The following FYN variants were observed in gnomAD, a reference collection of about 807,000 sequenced individuals.
FYN encodes the protein tyrosine-protein kinase Fyn.
In FYN, 10 loss-of-function variants were observed where a neutral mutation model predicts 70.2. The observed-to-expected ratio is 0.14, with a 90% CI of 0.09 to 0.24. The LOEUF is 0.24. Ranked by LOEUF, FYN falls within the 10% of genes least tolerant of loss-of-function variation. FYN has a pLI of 1.00. For synonymous variants in FYN, 236 were observed against 248.6 expected (o/e 0.95, Z 0.48); for missense variants, 319 against 673.1 (o/e 0.47, Z 5.82).
intron 2 of FYN, among the ~76,000 whole-genome samples, chr6:111,785,807 A>C: frequency 6.9e-6 from 1 of 145,266 alleles, no homozygotes; most frequent in Non-Finnish European, 1.5e-5. Context: ...TCCTAATGCT[A>C]TCCCTCCTCC....
intron 3 of FYN, among the ~76,000 whole-genome samples, chr6:111,754,984 T>A (rs532246277): frequency 9.0e-5 from 13 of 145,044 alleles, no homozygotes; most frequent in Admixed American, 3.5e-4. Context: ...TTTTTTTTTT[T>A]AAAGAACGGA....
intron 13 of FYN, among the ~76,000 whole-genome samples, chr6:111,671,686 A>G (rs1412958472): frequency 6.6e-6 from 1 of 152,186 alleles, no homozygotes; most frequent in African/African-American, 2.4e-5. Flanking sequence ...CAACGTGGGA[A>G]GCTGAGAAGG....
At position 111,842,078 on chromosome 6, in the gene FYN, C is replaced by T. The variant is rs575738120; in HGVS notation, c.-82+4511G>A. 2.0e-4 allele frequency among the ~76,000 whole-genome samples: 30 copies of T among 152,216 alleles called. 1 individual carries two copies. The highest frequency in any genetic ancestry group is 6.7e-4 in the African/African-American group (28 of 41,544). ...TCAAAGCCACTTCCTTTTCCTGGTCCCCAGTCGCCAGAAAAGTGGGTTGTG... is the reference window on the plus strand; with the variant it reads ...TCAAAGCCACTTCCTTTTCCTGGTCTCCAGTCGCCAGAAAAGTGGGTTGTG... On this transcript the variant is annotated intron_variant, in intron 2 of 13. Transcript: ENST00000354650.
chr6:111,862,658 C>T (rs1296423905), intron 1 of FYN, among the ~76,000 whole-genome samples: 2 of 152,180 alleles, frequency 1.3e-5, no homozygotes, highest in Non-Finnish European at 2.9e-5. Flanking sequence ...GGATTCTAGT[C>T]TAAGCTAAAG....
chr6:111,739,180 T>C (rs1479916710), intron 3 of FYN, among the ~76,000 whole-genome samples: 1 of 152,210 alleles, frequency 6.6e-6, no homozygotes, highest in Non-Finnish European at 1.5e-5. Flanking sequence ...CTCTACAGAT[T>C]CCACTGGGCA....
At chr6:111,663,365 C>T (rs1797853230) in intron 13 of FYN, among the ~76,000 whole-genome samples, 1 of 152,220 alleles carries the variant, frequency 6.6e-6, no homozygotes, top group Non-Finnish European at 1.5e-5. Context: ...AGAAACTTGT[C>T]AGCACAGCCA....
intron 2 of FYN, among the ~76,000 whole-genome samples, chr6:111,833,475 G>A (rs1449545936): frequency 6.6e-6 from 1 of 152,168 alleles, no homozygotes; most frequent in Non-Finnish European, 1.5e-5. Context: ...TTACTACTCA[G>A]AGCCCTGGAG....
intron 3 of FYN, among the ~76,000 whole-genome samples, chr6:111,755,920 G>A (rs1426986191): frequency 3.3e-5 from 5 of 151,812 alleles, no homozygotes; most frequent in African/African-American, 1.2e-4. Flanking sequence ...AAAGAAAAAA[G>A]GACTGAGAAT....
At chr6:111,722,485 T>C (rs1583362415) in intron 3 of FYN, among the ~76,000 whole-genome samples, 1 of 152,342 alleles carries the variant, frequency 6.6e-6, no homozygotes, top group East Asian at 1.9e-4. Context: ...GGAAAGTTGC[T>C]CCACATTTCT....
At chr6:111,714,655 A>G (rs946433562) in intron 4 of FYN, among the ~76,000 whole-genome samples, 1 of 152,214 alleles carries the variant, frequency 6.6e-6, no homozygotes, top group Non-Finnish European at 1.5e-5. Context: ...TGTATCTGAA[A>G]GAAACCTAGA....
At chr6:111,796,426 A>T (rs1221103274) in intron 2 of FYN, among the ~76,000 whole-genome samples, 1 of 152,230 alleles carries the variant, frequency 6.6e-6, no homozygotes, top group Non-Finnish European at 1.5e-5. Flanking sequence ...AACCAGAAGC[A>T]GTGGGCTATA....
chr6:111,853,157 A>G (rs1773731923), intron 1 of FYN, among the ~76,000 whole-genome samples: 1 of 152,188 alleles, frequency 6.6e-6, no homozygotes, highest in African/African-American at 2.4e-5. Flanking sequence ...CCTAGAATTC[A>G]TACTTCCAAG....
chr6:111,863,517 T>C (rs1190838160), intron 1 of FYN, among the ~76,000 whole-genome samples: 1 of 152,202 alleles, frequency 6.6e-6, no homozygotes, highest in Non-Finnish European at 1.5e-5. Flanking sequence ...AGTAACTTTC[T>C]GGGGATTAAA....
At chr6:111,758,672 C>T (rs1455554964) in intron 3 of FYN, among the ~76,000 whole-genome samples, 1 of 152,206 alleles carries the variant, frequency 6.6e-6, no homozygotes, top group Non-Finnish European at 1.5e-5. Flanking sequence ...TGGCTCAGTG[C>T]CCCCAGGAGA....
At chr6:111,681,542 T>C (rs1798781227) in intron 12 of FYN, among the ~76,000 whole-genome samples, 1 of 152,182 alleles carries the variant, frequency 6.6e-6, no homozygotes, top group East Asian at 1.9e-4. Flanking sequence ...CTTAGCATGC[T>C]CACACTTGTT....
intron 8 of FYN, among the ~76,000 whole-genome samples, chr6:111,701,113 GAAGA>G (rs1480693397): frequency 6.6e-6 from 1 of 152,042 alleles, no homozygotes; most frequent in Middle Eastern, 3.2e-3. Flanking sequence ...ATAAAAAAAA[GAAGA>G]AAGGAAAAAG....
chr6:111,686,090 C>T (rs1192052652), intron 12 of FYN, among the ~76,000 whole-genome samples: 1 of 152,026 alleles, frequency 6.6e-6, no homozygotes, highest in Admixed American at 6.6e-5. Context: ...CTTTGGCTTT[C>T]AACACACCCT....
At chr6:111,719,745 T>C (rs1007422309) in intron 4 of FYN, 60 bp downstream of exon 4, 35 of 1,571,736 alleles carry the variant, frequency 2.2e-5, no homozygotes, top group Middle Eastern at 1.7e-4. Flanking sequence ...AGATGTTCAA[T>C]TGCCAAAAGA....
intron 12 of FYN, among the ~76,000 whole-genome samples, chr6:111,681,083 A>G (rs1221204591): frequency 1.3e-5 from 2 of 150,208 alleles, no homozygotes; most frequent in Non-Finnish European, 3.0e-5. Context: ...GCTGGAGTGC[A>G]GTGGTGCAAT....
Sources: allele counts gnomAD v4.1 joint callset (sites outside exome capture counted in the v4.1 genomes callset), GRCh38; gene constraint gnomAD v4.1.1; transcripts MANE v1.5; gene names NCBI Gene and HGNC (gene_info 2026-07-23, HGNC 2026-07-21).